Variants in WDR37 observed in about 807,000 individuals in gnomAD.
WDR37 encodes the protein WD repeat domain 37.
In WDR37, 19 loss-of-function variants were observed where a neutral mutation model predicts 62.9. The observed-to-expected ratio is 0.30, with a 90% CI of 0.21 to 0.44. The LOEUF is 0.44. Among genes scored for constraint, WDR37 ranks in the 20% least tolerant of loss-of-function variants. The pLI is 1.00. For synonymous variants in WDR37, 250 were observed against 260.9 expected, an observed-to-expected ratio of 0.96 and a Z score of 0.40; for missense variants, 474 against 657.6, an observed-to-expected ratio of 0.72 and a Z score of 3.05.
rs145588567 is a variant in WDR37 at position 1,074,085 on chromosome 10, A to G, written c.138+1792A>G. Among the ~76,000 whole-genome samples, 879 of 152,352 alleles carry G rather than the reference A, an allele frequency of 5.8e-3. 4 individuals are homozygous for G. The highest frequency in any genetic ancestry group is 0.012 in the Admixed American group (184 of 15,308). Reference sequence around the variant, plus strand: ...TGAAATGTAGCCAGTGTCCCGGGACATGAGATTTTAATTTTTAAAACTTTT... The same window carrying G: ...TGAAATGTAGCCAGTGTCCCGGGACGTGAGATTTTAATTTTTAAAACTTTT... On this transcript the variant is annotated intron_variant, in intron 2 of 13. Coordinates refer to ENST00000263150, the MANE Select transcript of WDR37 (RefSeq NM_014023.4).
chr10:1,089,546 C>T (rs913298897), intron 7 of WDR37, among the ~76,000 whole-genome samples: 5 of 152,150 alleles, frequency 3.3e-5, no homozygotes, highest in African/African-American at 1.2e-4. Flanking sequence ...TTGTGCCTGG[C>T]TTGTGTTTTT....
rs1212366295 is a variant in WDR37, at chr10:1,103,779, G to C, written c.904G>C (p.Asp302His). The change falls in exon 10 of 14, where the codon GAC becomes CAC. Residue 302 changes from aspartate to histidine, a missense_variant. Transcript: ENST00000263150. This position sits in a 1 kb window ranked among gnomAD's most constrained non-coding sequence, Gnocchi z 6.3. ...GGKQAVTASW[D>H]RTANLYDVET... ...GAAGCAGGCTGTGACTGCCTCCTGGGACCGGACGGCAAACCTGTACGACGT... is the reference window on the plus strand; with the variant it reads ...GAAGCAGGCTGTGACTGCCTCCTGGCACCGGACGGCAAACCTGTACGACGT... 1.2e-6 allele frequency: 2 copies of C among 1,614,114 alleles called. No individual in the cohort carries two copies. Among genetic ancestry groups the C allele is most frequent in the Non-Finnish European group, 1.7e-6 (2 of 1,180,058 alleles).
rs1002598331 is a variant in WDR37, at chr10:1,130,301, G to T, written c.*957G>T. The T allele has an allele frequency of 6.5e-6, 1 of 152,714 alleles. No individual in the cohort carries two copies. Among genetic ancestry groups the T allele is most frequent in the Non-Finnish European group, 1.5e-5 (1 of 68,102 alleles). 9.5% of individuals were successfully genotyped at this position (152,714 alleles called of 1,614,324 possible). A position where few individuals can be genotyped will look rare whatever the true frequency, so the allele number is the denominator to read the frequency against. ...AAACTTTGGGTCTCACTGTTGCCTGGCTGGAGCACTTTGGTTTATAGCTGG... is the reference window on the plus strand; with the variant it reads ...AAACTTTGGGTCTCACTGTTGCCTGTCTGGAGCACTTTGGTTTATAGCTGG... On this transcript the variant is annotated 3_prime_UTR_variant, in exon 14 of 14. Transcript: ENST00000263150.
intron 2 of WDR37, among the ~76,000 whole-genome samples, chr10:1,076,412 G>T (rs113155243): frequency 6.6e-6 from 1 of 152,246 alleles, no homozygotes; most frequent in East Asian, 1.9e-4. Context: ...ACGCGCGGTG[G>T]CTCATGCCTG....
intron 7 of WDR37, among the ~76,000 whole-genome samples, chr10:1,087,632 A>G (rs1168640889): frequency 6.6e-6 from 1 of 152,162 alleles, no homozygotes; most frequent in Non-Finnish European, 1.5e-5. Context: ...TAGGCTTAAA[A>G]TACTCAGTCA....
At chr10:1,092,017 A>C (rs1384680759) in intron 7 of WDR37, among the ~76,000 whole-genome samples, 1 of 151,172 alleles carries the variant, frequency 6.6e-6, no homozygotes, top group Non-Finnish European at 1.5e-5. Context: ...CGTTTCTACT[A>C]AAAATAGAAA....
At chr10:1,127,201 C>T (rs1483998235) in intron 13 of WDR37, among the ~76,000 whole-genome samples, 1 of 152,168 alleles carries the variant, frequency 6.6e-6, no homozygotes, top group Non-Finnish European at 1.5e-5. Context: ...AGTATTTTCC[C>T]TCAGAAAAAC....
At chr10:1,107,013 G>A (rs1309801276) in intron 11 of WDR37, among the ~76,000 whole-genome samples, 1 of 152,338 alleles carries the variant, frequency 6.6e-6, no homozygotes, top group South Asian at 2.1e-4. Context: ...CTCCGTCAGC[G>A]ATAGCCATAG....
intron 5 of WDR37, among the ~76,000 whole-genome samples, chr10:1,082,697 G>T (rs1357676236): frequency 2.0e-5 from 3 of 152,086 alleles, no homozygotes; most frequent in African/African-American, 7.2e-5. Flanking sequence ...GATGGTCAAA[G>T]TGCAGTGGGC....
At chr10:1,065,711 C>A (rs1185738653) in intron 1 of WDR37, among the ~76,000 whole-genome samples, 1 of 152,310 alleles carries the variant, frequency 6.6e-6, no homozygotes, top group East Asian at 1.9e-4. Context: ...ACAAAAAAAT[C>A]TATAGCTGGC....
intron 1 of WDR37, among the ~76,000 whole-genome samples, chr10:1,069,523 A>C (rs1214219187): frequency 2.6e-5 from 4 of 151,622 alleles, no homozygotes; most frequent in African/African-American, 9.7e-5. Context: ...GTAACCATTA[A>C]ATTGAGTGGA....
At position 1,086,270 on chromosome 10, in the gene WDR37, C is replaced by T. The variant is rs1482428509; in HGVS notation, c.533-16C>T. ...GATGATAGCTAAGTTCCGACTTCTTCATTTCCATCTTGCAGATCACACGGC... is the reference window on the plus strand; with the variant it reads ...GATGATAGCTAAGTTCCGACTTCTTTATTTCCATCTTGCAGATCACACGGC... On this transcript the variant is annotated splice_polypyrimidine_tract_variant and intron_variant, in intron 6 of 13. Coordinates refer to ENST00000263150, the MANE Select transcript of WDR37 (RefSeq NM_014023.4). 6.2e-7 allele frequency: 1 copy of T among 1,612,592 alleles called. No homozygotes were observed. The highest frequency in any genetic ancestry group is 2.2e-5 in the East Asian group (1 of 44,874).
In WDR37 at chr10:1,084,435, A is replaced by G. The variant is rs145861438; in HGVS notation, c.429A>G (p.Arg143=). 1.2e-4 allele frequency: 198 copies of G among 1,614,020 alleles called. 2 individuals are homozygous for G. Among genetic ancestry groups the G allele is most frequent in the African/African-American group, 7.5e-4 (56 of 74,922 alleles). Residue 143 remains arginine, a synonymous_variant, in exon 6 of 14, where the codon AGA becomes AGG. Coordinates refer to ENST00000263150, the MANE Select transcript of WDR37 (RefSeq NM_014023.4). ...IVSSFKTTTS[R]AACQLVKEYI... Reference sequence around the variant, plus strand: ...CCAGCTTTAAGACCACGACATCGAGAGCTGCCTGCCAGCTCGTGAAGGAGT... The same window carrying G: ...CCAGCTTTAAGACCACGACATCGAGGGCTGCCTGCCAGCTCGTGAAGGAGT...
intron 13 of WDR37, among the ~76,000 whole-genome samples, chr10:1,127,638 C>T (rs1419116220): frequency 6.6e-6 from 1 of 151,934 alleles, no homozygotes; most frequent in Non-Finnish European, 1.5e-5. Flanking sequence ...GGTGGAGAGT[C>T]AGGAGGTCCG....
intron 9 of WDR37, among the ~76,000 whole-genome samples, chr10:1,102,038 ACG>A (rs1834826552): frequency 1.3e-5 from 2 of 149,522 alleles, no homozygotes; most frequent in African/African-American, 5.0e-5. Flanking sequence ...CGTCCCTGTG[ACG>A]TGCGTTCCCT....
Position 1,131,280 on chromosome 10 carries a change from A to G in WDR37, c.*1936A>G, listed in dbSNP as rs1835941621. Reference sequence around the variant, plus strand: ...AGCTTCTGGGGCCACTGCACAGGCCACCTGCTTGGGTTCCTCGGAGTTTAA... The same window carrying G: ...AGCTTCTGGGGCCACTGCACAGGCCGCCTGCTTGGGTTCCTCGGAGTTTAA... On this transcript the variant is annotated 3_prime_UTR_variant, in exon 14 of 14. Coordinates refer to ENST00000263150, the MANE Select transcript of WDR37 (RefSeq NM_014023.4). The G allele has an allele frequency of 1.3e-5, 2 of 152,278 alleles. No homozygotes were observed. The highest frequency in any genetic ancestry group is 4.8e-5 in the African/African-American group (2 of 41,468). The allele number at this position is 152,278 out of a possible 1,614,324, so 9.4% of individuals were successfully genotyped here.
At chr10:1,062,238 C>T (rs150310346) in intron 1 of WDR37, among the ~76,000 whole-genome samples, 33 of 152,200 alleles carry the variant, frequency 2.2e-4, no homozygotes, top group East Asian at 1.5e-3. Flanking sequence ...AAAAGATTGC[C>T]GGCGGTATTG....
chr10:1,111,905 CTT>C (rs1004991996), intron 11 of WDR37, among the ~76,000 whole-genome samples: 3 of 136,792 alleles, frequency 2.2e-5, no homozygotes, highest in Non-Finnish European at 3.3e-5. Context: ...CTCTCTCTCT[CTT>C]TTTTTTTTTT....
chr10:1,063,943 T>A (rs1679423602), intron 1 of WDR37, among the ~76,000 whole-genome samples: 1 of 152,080 alleles, frequency 6.6e-6, no homozygotes, highest in South Asian at 2.1e-4. Context: ...AAATCACTCA[T>A]AGGAAAATCT....
Sources: allele counts gnomAD v4.1 joint callset (sites outside exome capture counted in the v4.1 genomes callset), GRCh38; gene constraint gnomAD v4.1.1; non-coding constraint Gnocchi (gnomAD v3.1); transcripts MANE v1.5; gene names NCBI Gene and HGNC (gene_info 2026-07-23, HGNC 2026-07-21).